Variants in FOCAD observed in about 807,000 individuals in gnomAD.
The protein encoded by FOCAD is focadhesin, also known as KIAA1797.
Under a neutral mutation model 225.6 loss-of-function variants are expected in FOCAD, and 198 were observed. The ratio of observed to expected loss-of-function variants is 0.88; its 90% CI spans 0.78 to 0.99. The LOEUF (loss-of-function observed/expected upper bound fraction) is 0.99. Among genes scored for constraint, FOCAD ranks in the 50% least tolerant of loss-of-function variants. The probability of loss-of-function intolerance (pLI) is 0.00; values close to 1 mark genes in which losing one functional copy is unlikely to be tolerated. For missense variants in FOCAD, 2,713 were observed against 2,123.6 expected, an observed-to-expected ratio of 1.28 and a Z score of -5.46; for synonymous variants, 897 against 755.0, an observed-to-expected ratio of 1.19 and a Z score of -3.08.
intron 35 of FOCAD, among the ~76,000 whole-genome samples, chr9:20,975,629 A>C (rs912908889): frequency 6.6e-6 from 1 of 152,232 alleles, no homozygotes; most frequent in Admixed American, 6.5e-5. Flanking sequence ...TAATTTGGAA[A>C]ACTAGATAAA....
intron 1 of FOCAD, among the ~76,000 whole-genome samples, chr9:20,685,773 A>T (rs1249505085): frequency 6.6e-6 from 1 of 152,204 alleles, no homozygotes; most frequent in Non-Finnish European, 1.5e-5. Context: ...CTATTTTAAC[A>T]TTTGTTTCAT....
At chr9:20,896,476 A>G (rs1832099059) in intron 21 of FOCAD, among the ~76,000 whole-genome samples, 1 of 151,850 alleles carries the variant, frequency 6.6e-6, no homozygotes. Context: ...TCACCAGTGA[A>G]CACATGTGGG....
chr9:20,665,876 C>T (rs1442114892), intron 2 of FOCAD, among the ~76,000 whole-genome samples: 2 of 151,572 alleles, frequency 1.3e-5, no homozygotes, highest in Non-Finnish European at 2.9e-5. Context: ...ACTAAAAATA[C>T]AAAAATTATA....
intron 11 of FOCAD, among the ~76,000 whole-genome samples, chr9:20,807,721 C>G (rs966780640): frequency 6.6e-6 from 1 of 152,104 alleles, no homozygotes; most frequent in Non-Finnish European, 1.5e-5. Flanking sequence ...ATTCCCAATG[C>G]TCACTTTTTC....
At chr9:20,750,788 T>A (rs1006749787) in intron 5 of FOCAD, among the ~76,000 whole-genome samples, 11 of 152,164 alleles carry the variant, frequency 7.2e-5, no homozygotes, top group Admixed American at 2.6e-4. Flanking sequence ...GTCCTTTTTT[T>A]TGAGGACTTA....
At chr9:20,805,244 A>G (rs753977348) in intron 11 of FOCAD, among the ~76,000 whole-genome samples, 3 of 152,254 alleles carry the variant, frequency 2.0e-5, no homozygotes, top group Admixed American at 6.5e-5. Flanking sequence ...CATGGCAACC[A>G]TACTGAACAG....
intron 23 of FOCAD, among the ~76,000 whole-genome samples, chr9:20,914,633 G>A (rs1465047196): frequency 6.6e-6 from 1 of 152,190 alleles, no homozygotes; most frequent in Admixed American, 6.5e-5. Context: ...CAAAGCCTGT[G>A]TGGCATGGAG....
upstream of FOCAD, among the ~76,000 whole-genome samples, chr9:20,681,232 A>G (rs544948163): frequency 3.3e-5 from 5 of 152,286 alleles, no homozygotes; most frequent in South Asian, 4.2e-4. Context: ...AGTATAACCT[A>G]TTATCATTTC....
At chr9:20,830,933 C>G (rs528981588) in intron 15 of FOCAD, among the ~76,000 whole-genome samples, 1 of 152,072 alleles carries the variant, frequency 6.6e-6, no homozygotes, top group African/African-American at 2.4e-5. Flanking sequence ...TCACCTTGGC[C>G]TCCCAAAGTA....
Position 20,914,592 on chromosome 9 carries a change from A to G in FOCAD, c.2807+1638A>G, listed in dbSNP as rs540591446. 1.8e-3 allele frequency among the ~76,000 whole-genome samples: 268 copies of G among 152,300 alleles called. 3 individuals are homozygous for G. Among genetic ancestry groups the G allele is most frequent in the African/African-American group, 6.2e-3 (257 of 41,580 alleles). Reference sequence around the variant, plus strand: ...AGCATTCTAGGAAGAGGAAACAGCGAATTCATCATAGGCCCTGGGAGTGTA... The same window carrying G: ...AGCATTCTAGGAAGAGGAAACAGCGGATTCATCATAGGCCCTGGGAGTGTA... On this transcript the variant is annotated intron_variant, in intron 23 of 43. Transcript: ENST00000338382.
At chr9:20,857,643 G>C (rs2131662713) in intron 15 of FOCAD, among the ~76,000 whole-genome samples, 1 of 151,890 alleles carries the variant, frequency 6.6e-6, no homozygotes, top group Middle Eastern at 3.4e-3. Flanking sequence ...TGGTGAATGT[G>C]GGTATTCTTG....
chr9:20,758,315 C>G (rs780836037), intron 6 of FOCAD, 124 bp downstream of exon 6: 26 of 538,038 alleles, frequency 4.8e-5, no homozygotes, highest in Non-Finnish European at 7.3e-5. Context: ...AATGTTTTCT[C>G]CTGAAGAACC....
intron 5 of FOCAD, among the ~76,000 whole-genome samples, chr9:20,744,381 T>C (rs79728330): frequency 0.037 from 5,668 of 152,306 alleles, 359 homozygotes; most frequent in African/African-American, 0.13. Flanking sequence ...TCATATTGCT[T>C]AACTGGACCC....
chr9:20,856,063 T>C (rs1828150044), intron 15 of FOCAD, among the ~76,000 whole-genome samples: 1 of 151,948 alleles, frequency 6.6e-6, no homozygotes, highest in Non-Finnish European at 1.5e-5. Flanking sequence ...GGAATGCAGA[T>C]ATCTCTTTGA....
intron 4 of FOCAD, among the ~76,000 whole-genome samples, chr9:20,725,815 TGA>T (rs374762533): frequency 6.2e-4 from 95 of 152,346 alleles, no homozygotes; most frequent in African/African-American, 2.2e-3. Flanking sequence ...TGGCTGTGCT[TGA>T]GAGACTGTTC....
At chr9:20,739,192 A>G (rs984278443) in intron 4 of FOCAD, among the ~76,000 whole-genome samples, 2 of 152,250 alleles carry the variant, frequency 1.3e-5, no homozygotes, top group Non-Finnish European at 2.9e-5. Context: ...CCCAAAAATA[A>G]AGTTAACATT....
chr9:20,722,139 C>G (rs1825838714), intron 4 of FOCAD, among the ~76,000 whole-genome samples: 1 of 150,504 alleles, frequency 6.6e-6, no homozygotes, highest in South Asian at 2.1e-4. Context: ...AACTACTGGG[C>G]TCAAGTAGTC....
intron 11 of FOCAD, among the ~76,000 whole-genome samples, chr9:20,801,159 A>G (rs1821785450): frequency 6.6e-6 from 1 of 152,200 alleles, no homozygotes; most frequent in African/African-American, 2.4e-5. Flanking sequence ...GCTGCAGAAC[A>G]GCGAATATTG....
At chr9:20,832,839 T>G (rs1444501527) in intron 15 of FOCAD, among the ~76,000 whole-genome samples, 6 of 152,068 alleles carry the variant, frequency 3.9e-5, no homozygotes, top group Non-Finnish European at 7.4e-5. Flanking sequence ...TACGTTTTCT[T>G]TATCCATTCA....
Sources: allele counts gnomAD v4.1 joint callset (sites outside exome capture counted in the v4.1 genomes callset), GRCh38; gene constraint gnomAD v4.1.1; transcripts MANE v1.5; gene names NCBI Gene and HGNC (gene_info 2026-07-23, HGNC 2026-07-21).